NAV1: variants seen among roughly 807,000 people sequenced by gnomAD.
NAV1 encodes neuron navigator 1, also known as pore membrane and/or filament interacting like protein 3.
A neutral mutation model predicts 175.2 loss-of-function variants in NAV1; 18 were observed. The ratio of observed to expected loss-of-function variants is 0.10; its 90% CI spans 0.07 to 0.15. NAV1 has a LOEUF of 0.15. NAV1 is among the 10% of genes least tolerant of loss of function. The pLI, the probability that NAV1 is intolerant of heterozygous loss-of-function variation, is 1.00. For synonymous variants in NAV1, 897 were observed against 978.7 expected, an observed-to-expected ratio of 0.92 and a Z score of 1.56; for missense variants, 1,731 against 2,436.6, an observed-to-expected ratio of 0.71 and a Z score of 6.10.
At chr1:201,576,133 C>T (rs1033552451) in intron 1 of NAV1, among the ~76,000 whole-genome samples, 7 of 152,160 alleles carry the variant, frequency 4.6e-5, no homozygotes, top group South Asian at 2.1e-4. Context: ...TCCCTCATGT[C>T]GCCCTTTTAA....
intron 1 of NAV1, among the ~76,000 whole-genome samples, chr1:201,668,068 G>A (rs1669897288): frequency 6.6e-6 from 1 of 152,200 alleles, no homozygotes; most frequent in African/African-American, 2.4e-5. Flanking sequence ...CTCCTGCTGA[G>A]GGATCCTGGG....
At chr1:201,572,822 C>T (rs1666586130) in intron 1 of NAV1, among the ~76,000 whole-genome samples, 1 of 152,218 alleles carries the variant, frequency 6.6e-6, no homozygotes, top group African/African-American at 2.4e-5. Flanking sequence ...GATTAATCCT[C>T]ATTGCTCAAG....
At chr1:201,777,378 A>G (rs1187796346) in intron 3 of NAV1, among the ~76,000 whole-genome samples, 2 of 152,210 alleles carry the variant, frequency 1.3e-5, no homozygotes, top group African/African-American at 4.8e-5. Context: ...CCTTAGAAGT[A>G]AAAATGGGAG....
intron 1 of NAV1, among the ~76,000 whole-genome samples, chr1:201,552,012 C>T (rs891565928): frequency 1.3e-5 from 2 of 152,214 alleles, no homozygotes; most frequent in Non-Finnish European, 2.9e-5. Context: ...CTCTTGCTGG[C>T]CATGGCCAGA....
chr1:201,707,222 C>T (rs1671706050), intron 1 of NAV1, among the ~76,000 whole-genome samples: 1 of 152,186 alleles, frequency 6.6e-6, no homozygotes, highest in South Asian at 2.1e-4. Context: ...CTGCACCCTC[C>T]AGGGGTGTGC....
At chr1:201,747,578 C>G (rs1296029618) in intron 3 of NAV1, among the ~76,000 whole-genome samples, 1 of 152,044 alleles carries the variant, frequency 6.6e-6, no homozygotes, top group Non-Finnish European at 1.5e-5. Context: ...CATCCTAGAC[C>G]CTGCTCCTAT....
In NAV1 at chr1:201,642,167, C is replaced by T. The variant is rs111549278; in HGVS notation, c.5-6467C>T. ...CCTTCTTTTTCTTTCTCTCTCCCCT[C>T]CCTTCCTTCCTTCCTTCCTTCCCTC... On this transcript the variant is annotated intron_variant, in intron 2 of 29. Coordinates refer to the NAV1 transcript ENST00000367302. Among the ~76,000 whole-genome samples, 245 of 116,454 alleles carry T rather than the reference C, an allele frequency of 2.1e-3. 1 individual carries two copies. Among genetic ancestry groups the T allele is most frequent in the African/African-American group, 6.5e-3 (180 of 27,664 alleles). The allele number at this position is 116,454 out of a possible 152,430, so 76.4% of individuals were successfully genotyped here. A position where few individuals can be genotyped will look rare whatever the true frequency, so the allele number is the denominator to read the frequency against.
chr1:201,822,347 A>G (rs1679432554), exon 30 of NAV1: 1 of 152,634 alleles, frequency 6.6e-6, no homozygotes, highest in Non-Finnish European at 1.5e-5. Context: ...TCTAAACCCT[A>G]TCCTAAGCTC....
At chr1:201,709,223 C>T (rs1671796309) in intron 1 of NAV1, among the ~76,000 whole-genome samples, 1 of 151,598 alleles carries the variant, frequency 6.6e-6, no homozygotes, top group Non-Finnish European at 1.5e-5. Context: ...TAGATACCTT[C>T]ACCCCATCCG....
At chr1:201,826,484 A>G (rs1408025620) in exon 30 of NAV1, 2 of 151,960 alleles carry the variant, frequency 1.3e-5, no homozygotes, top group Non-Finnish European at 2.9e-5. Flanking sequence ...CCGCCTCCAT[A>G]CTGTTTTAGG....
At chr1:201,759,855 G>A (rs1255312293) in intron 3 of NAV1, among the ~76,000 whole-genome samples, 5 of 152,022 alleles carry the variant, frequency 3.3e-5, no homozygotes, top group African/African-American at 1.2e-4. Context: ...ATGATATCAG[G>A]GTGCTAGTTG....
intron 8 of NAV1, 46 bp downstream of exon 12, chr1:201,785,397 G>C: frequency 6.4e-7 from 1 of 1,572,724 alleles, no homozygotes; most frequent in South Asian, 1.1e-5. Context: ...GGGACTGCTG[G>C]TATGTATGAA....
intron 29 of NAV1, 60 bp downstream of exon 33, chr1:201,817,345 G>T (rs1302197266): frequency 1.3e-6 from 2 of 1,510,538 alleles, no homozygotes; most frequent in Admixed American, 1.9e-5. Context: ...TTATTGACCA[G>T]CAGGGTGGCT....
At chr1:201,735,218 T>G (rs983421054) in intron 3 of NAV1, among the ~76,000 whole-genome samples, 1 of 152,166 alleles carries the variant, frequency 6.6e-6, no homozygotes, top group Non-Finnish European at 1.5e-5. Flanking sequence ...AGTGGTGCCA[T>G]TGACTGGTAA....
intron 2 of NAV1, among the ~76,000 whole-genome samples, chr1:201,605,296 C>T (rs1331505626): frequency 6.6e-6 from 1 of 151,992 alleles, no homozygotes; most frequent in African/African-American, 2.4e-5. Flanking sequence ...TGCCTAGCAA[C>T]CGGCTTCCTA....
chr1:201,643,380 TTCCTCTCCCTTTC>T (rs1668872561), upstream of NAV1, among the ~76,000 whole-genome samples: 1 of 145,454 alleles, frequency 6.9e-6, no homozygotes, highest in Non-Finnish European at 1.5e-5. Context: ...TTCTTTCTTT[TTCCTCTCCCTTTC>T]TCCTCTCCCT....
chr1:201,709,589 C>T (rs1671811379), intron 1 of NAV1, among the ~76,000 whole-genome samples: 1 of 151,838 alleles, frequency 6.6e-6, no homozygotes, highest in South Asian at 2.1e-4. Flanking sequence ...TTACCAGGGG[C>T]CCCAACCCTC....
intron 15 of NAV1, among the ~76,000 whole-genome samples, chr1:201,802,752 C>A (rs1202112727): frequency 4.6e-5 from 7 of 151,742 alleles, no homozygotes; most frequent in Non-Finnish European, 7.4e-5. Flanking sequence ...GCACTCCAGC[C>A]TGGGTGACAG....
chr1:201,644,098 C>T (rs1007113628), upstream of NAV1, among the ~76,000 whole-genome samples: 3 of 152,136 alleles, frequency 2.0e-5, no homozygotes, highest in Admixed American at 2.0e-4. Context: ...TCTTTCTGCA[C>T]CTCCCCTTTA....
Sources: allele counts gnomAD v4.1 joint callset (sites outside exome capture counted in the v4.1 genomes callset), GRCh38; gene constraint gnomAD v4.1.1; transcripts MANE v1.5; gene names NCBI Gene and HGNC (gene_info 2026-07-23, HGNC 2026-07-21).